TRIM24: variants seen among roughly 807,000 people sequenced by gnomAD.
TRIM24 encodes transcription intermediary factor 1-alpha.
Under a neutral mutation model 123.9 loss-of-function variants are expected in TRIM24, and 29 were observed. The observed-to-expected ratio is 0.23, with a 90% CI of 0.17 to 0.32. The LOEUF (loss-of-function observed/expected upper bound fraction) is 0.32, where lower values mean the gene tolerates loss of function less well. Among genes scored for constraint, TRIM24 ranks in the 10% least tolerant of loss-of-function variants. The pLI is 1.00. For missense variants in TRIM24, 932 were observed against 1,295.3 expected (o/e 0.72, Z 4.31); for synonymous variants, 456 against 461.1 (o/e 0.99, Z 0.14).
At chr7:138,527,813 G>A (rs1457099439) in intron 5 of TRIM24, among the ~76,000 whole-genome samples, 2 of 152,178 alleles carry the variant, frequency 1.3e-5, no homozygotes, top group African/African-American at 2.4e-5. Flanking sequence ...ACCAGTAGGT[G>A]AAACAGGAGG....
At chr7:138,488,264 A>G (rs1299044551) in intron 1 of TRIM24, among the ~76,000 whole-genome samples, 4 of 148,464 alleles carry the variant, frequency 2.7e-5, no homozygotes, top group Non-Finnish European at 5.9e-5. Context: ...GTAGTGTTCT[A>G]TCTATTTTGT....
chr7:138,543,931 C>T (rs1051304105), intron 7 of TRIM24, among the ~76,000 whole-genome samples: 1 of 152,074 alleles, frequency 6.6e-6, no homozygotes, highest in Non-Finnish European at 1.5e-5. Flanking sequence ...AACTTGTAGG[C>T]TCAAGCGAGC....
chr7:138,493,359 A>G (rs1373605608), intron 1 of TRIM24, among the ~76,000 whole-genome samples: 1 of 152,230 alleles, frequency 6.6e-6, no homozygotes, highest in Non-Finnish European at 1.5e-5. Context: ...GTAACTCTGG[A>G]AAACAGATTC....
intron 2 of TRIM24, among the ~76,000 whole-genome samples, chr7:138,508,692 T>TGTGAGCGCGCGC (rs1422176564): frequency 7.3e-6 from 1 of 137,214 alleles, no homozygotes; most frequent in Admixed American, 7.2e-5. Flanking sequence ...TGTGTGTGTG[T>TGTGAGCGCGCGC]GCGCGCGCGT....
At chr7:138,581,499 T>C (rs902196451) in intron 16 of TRIM24, among the ~76,000 whole-genome samples, 198 bp from the exon 17 acceptor site, 3 of 152,226 alleles carry the variant, frequency 2.0e-5, no homozygotes, top group African/African-American at 4.8e-5. Context: ...GTGATTGTCT[T>C]AGTTCATTCA....
intron 1 of TRIM24, among the ~76,000 whole-genome samples, chr7:138,470,079 G>A (rs1374830392): frequency 1.3e-5 from 2 of 150,536 alleles, no homozygotes; most frequent in Non-Finnish European, 3.0e-5. Flanking sequence ...ATGGGATTTC[G>A]ATACTGCAGA....
At chr7:138,508,988 G>T (rs1363035138) in intron 2 of TRIM24, among the ~76,000 whole-genome samples, 1 of 151,940 alleles carries the variant, frequency 6.6e-6, no homozygotes, top group East Asian at 1.9e-4. Flanking sequence ...TCACTCTGTT[G>T]CCCAGGCTGG....
rs545879930 is a variant in TRIM24 at position 138,560,096 on chromosome 7, C to T, written c.1530+5130C>T. Reference sequence around the variant, plus strand: ...AGCCAGTTTGTTTGGTGGGGGTGCACCTGACTCAGAGGAGGACCATGGGCA... The same window carrying T: ...AGCCAGTTTGTTTGGTGGGGGTGCATCTGACTCAGAGGAGGACCATGGGCA... On this transcript the variant is annotated intron_variant, in intron 9 of 18. Transcript: ENST00000343526. Among the ~76,000 whole-genome samples the T allele has an allele frequency of 1.3e-4, 20 of 152,298 alleles. No individual in the cohort carries two copies. The South Asian group carries it at 3.9e-3, about 30-fold the overall frequency.
At position 138,554,879 on chromosome 7, in the gene TRIM24, G is replaced by T; in HGVS notation, c.1443G>T (p.Arg481Ser). 1 of 1,614,134 alleles carries T rather than the reference G, an allele frequency of 6.2e-7. No homozygotes were observed. ...TGCAGCAACAGGTAATGGCTCAGAGGCAACAGGTGCAACGGAGGCCAGCAC... is the reference window on the plus strand; with the variant it reads ...TGCAGCAACAGGTAATGGCTCAGAGTCAACAGGTGCAACGGAGGCCAGCAC... ...QHMQQQVMAQ[R>S]QQVQRRPAPV... The change falls in exon 9 of 19, where the codon AGG becomes AGT. Residue 481 changes from arginine (R) to serine (S), a missense_variant. Arg to Ser is a moderately radical substitution (Grantham distance 110, BLOSUM62 -1). Transcript: ENST00000343526. This position sits in a 1 kb window ranked among gnomAD's most constrained non-coding sequence, Gnocchi z 4.5.
rs777307930 is a variant in TRIM24, at chr7:138,579,538, A to G, written c.2585+6A>G. ...ACATTGACAAATTTTCCAAGGTAAG[A>G]TAGTACTTCCCTTCCCACATTCTTT... On this transcript the variant is annotated splice_donor_region_variant and intron_variant, in intron 15 of 18. Transcript: ENST00000343526. 6.3e-6 allele frequency: 10 copies of G among 1,579,150 alleles called. No homozygotes were observed. Among genetic ancestry groups the G allele is most frequent in the African/African-American group, 2.7e-5 (2 of 73,912 alleles).
chr7:138,575,491 G>GTCTT (rs1358276619), intron 12 of TRIM24, among the ~76,000 whole-genome samples: 27 of 150,522 alleles, frequency 1.8e-4, no homozygotes, highest in Middle Eastern at 3.4e-3. Context: ...TTAGAGACGG[G>GTCTT]TCTTTGTTGT....
Position 138,585,709 on chromosome 7 carries a change from T to A in TRIM24, c.*758T>A, listed in dbSNP as rs1798002145. The stretch of plus-strand genomic sequence containing the variant: ...TTTCAACTTCTTCCACTGAGGGAAG[T>A]ATATACATTTGGGTTTGCTGTGTGT... On this transcript the variant is annotated 3_prime_UTR_variant, in exon 19 of 19. Coordinates refer to ENST00000343526, the MANE Select transcript of TRIM24 (RefSeq NM_015905.3). 4.5e-6 allele frequency: 2 copies of A among 446,952 alleles called. No homozygotes were observed. The highest frequency in any genetic ancestry group is 3.5e-5 in the South Asian group (2 of 57,340). 27.7% of individuals were successfully genotyped at this position (446,952 alleles called of 1,614,324 possible).
At chr7:138,494,366 GC>G (rs1795858382) in intron 1 of TRIM24, among the ~76,000 whole-genome samples, 2 of 150,690 alleles carry the variant, frequency 1.3e-5, no homozygotes, top group South Asian at 4.4e-4. Flanking sequence ...TGACCCTCCC[GC>G]CTTGGCCTCC....
intron 9 of TRIM24, chr7:138,556,497 G>A (rs1797319127): frequency 6.6e-6 from 1 of 152,302 alleles, no homozygotes; most frequent in Non-Finnish European, 1.5e-5. Context: ...AAAGTTTCAG[G>A]TGTTGCTGCT....
intron 6 of TRIM24, among the ~76,000 whole-genome samples, chr7:138,532,479 TC>T: frequency 6.6e-6 from 1 of 152,318 alleles, no homozygotes; most frequent in East Asian, 1.9e-4. Context: ...GGGAATCCTT[TC>T]CCCATTGCTT....
At chr7:138,483,354 A>G (rs1563027292) in intron 1 of TRIM24, among the ~76,000 whole-genome samples, 1 of 152,168 alleles carries the variant, frequency 6.6e-6, no homozygotes, top group Non-Finnish European at 1.5e-5. Context: ...GAATAATGAC[A>G]GTGTTTATTA....
intron 1 of TRIM24, among the ~76,000 whole-genome samples, chr7:138,497,703 G>GT (rs1239824655): frequency 1.3e-5 from 2 of 151,058 alleles, no homozygotes; most frequent in African/African-American, 2.4e-5. Context: ...CCTGTTGTTG[G>GT]TTTTTGAGAC....
chr7:138,525,199 C>T lies in TRIM24; in HGVS notation c.765-42C>T, dbSNP rs766554020. ...TTTTTTTATTCTTGGACTTTTTCCT[C>T]ATTGTATATTTTTATATGAAATAAT... On this transcript the variant is annotated intron_variant, in intron 4 of 18. Transcript: ENST00000343526. 8 of 909,146 alleles carry T rather than the reference C, an allele frequency of 8.8e-6. No homozygotes were observed. The Admixed American group carries it at 2.1e-4, about 24-fold the overall frequency. The allele number at this position is 909,146 out of a possible 1,614,324, so 56.3% of individuals were successfully genotyped here. A position where few individuals can be genotyped will look rare whatever the true frequency, so the allele number is the denominator to read the frequency against.
At chr7:138,581,162 C>CA (rs887621886) in intron 16 of TRIM24, among the ~76,000 whole-genome samples, 12 of 152,046 alleles carry the variant, frequency 7.9e-5, no homozygotes, top group African/African-American at 2.9e-4. Flanking sequence ...ACTTTGTTAC[C>CA]AAAAAAACTC....
Sources: gnomAD v4.1 joint callset for allele counts (sites outside exome capture counted in the v4.1 genomes callset) on GRCh38, gnomAD v4.1.1 for gene constraint, Gnocchi (gnomAD v3.1) non-coding constraint, MANE v1.5 for transcripts, NCBI Gene and HGNC (gene_info 2026-07-23, HGNC 2026-07-21) for gene names.